Variants in TMEM117 observed in about 807,000 individuals in gnomAD.
TMEM117 encodes transmembrane protein 117.
In TMEM117, 27 loss-of-function variants were observed where a neutral mutation model predicts 52.4. The observed-to-expected ratio is 0.51, with a 90% confidence interval of 0.38 to 0.71. TMEM117 has a LOEUF of 0.71. TMEM117 is among the 30% of genes least tolerant of loss of function. The pLI is 0.00. For missense variants in TMEM117, 556 were observed against 630.5 expected, an observed-to-expected ratio of 0.88 and a Z score of 1.26; for synonymous variants, 215 against 206.3, an observed-to-expected ratio of 1.04 and a Z score of -0.36.
chr12:44,166,086 A>G (rs1296748069), intron 4 of TMEM117, among the ~76,000 whole-genome samples: 1 of 152,192 alleles, frequency 6.6e-6, no homozygotes, highest in African/African-American at 2.4e-5. Flanking sequence ...AAACTGTACA[A>G]ATACAAGGAA....
At chr12:44,392,104 G>A (rs1952164320), downstream of TMEM117, among the ~76,000 whole-genome samples, 1 of 152,190 alleles carries the variant, frequency 6.6e-6, no homozygotes, top group Non-Finnish European at 1.5e-5. Flanking sequence ...ATAGGTAACA[G>A]AGTCAAGCTC....
intron 2 of TMEM117, among the ~76,000 whole-genome samples, chr12:43,865,312 C>T (rs1351727107): frequency 1.3e-5 from 2 of 152,118 alleles, no homozygotes; most frequent in East Asian, 3.9e-4. Flanking sequence ...TACCTTCTAA[C>T]TTGGGCATTG....
chr12:44,116,929 C>T (rs964241893), intron 3 of TMEM117, among the ~76,000 whole-genome samples: 4 of 152,240 alleles, frequency 2.6e-5, no homozygotes, highest in East Asian at 3.9e-4. Flanking sequence ...TTTATCTCAT[C>T]GTAACCTTAT....
At chr12:44,377,980 T>C (rs1281070187) in intron 7 of TMEM117, among the ~76,000 whole-genome samples, 1 of 152,192 alleles carries the variant, frequency 6.6e-6, no homozygotes, top group Admixed American at 6.5e-5. Context: ...ATTCACTGGG[T>C]AAATCAATCA....
chr12:44,329,232 C>CA (rs1951235767), intron 6 of TMEM117, among the ~76,000 whole-genome samples: 1 of 152,096 alleles, frequency 6.6e-6, no homozygotes, highest in Non-Finnish European at 1.5e-5. Flanking sequence ...AATAGAGGCT[C>CA]AGCAGCAATA....
At chr12:44,050,199 C>T (rs748845584) in intron 3 of TMEM117, among the ~76,000 whole-genome samples, 1 of 152,198 alleles carries the variant, frequency 6.6e-6, no homozygotes, top group Non-Finnish European at 1.5e-5. Flanking sequence ...GTTTTTGAGA[C>T]GGAGTCTCAT....
chr12:43,962,005 A>G (rs951319156), intron 3 of TMEM117, among the ~76,000 whole-genome samples: 3 of 152,192 alleles, frequency 2.0e-5, no homozygotes, highest in Non-Finnish European at 4.4e-5. Context: ...GTTATTCTTG[A>G]GGAATTGATG....
chr12:43,979,802 G>A (rs181730139), intron 3 of TMEM117, among the ~76,000 whole-genome samples: 5 of 152,254 alleles, frequency 3.3e-5, no homozygotes, highest in Admixed American at 2.0e-4. Context: ...TCATGGGCTC[G>A]TAATTTCTCT....
intron 3 of TMEM117, among the ~76,000 whole-genome samples, chr12:43,961,822 A>G (rs1391751492): frequency 6.6e-6 from 1 of 152,168 alleles, no homozygotes; most frequent in Admixed American, 6.5e-5. Flanking sequence ...GTGAGTATGT[A>G]GGAAATAATT....
intron 3 of TMEM117, among the ~76,000 whole-genome samples, chr12:44,067,312 T>G (rs945089145): frequency 6.6e-6 from 1 of 152,216 alleles, no homozygotes; most frequent in Non-Finnish European, 1.5e-5. Flanking sequence ...CAAATGTTCT[T>G]AATGTCATCT....
At chr12:44,320,538 C>T (rs1951116422) in intron 6 of TMEM117, among the ~76,000 whole-genome samples, 1 of 152,162 alleles carries the variant, frequency 6.6e-6, no homozygotes, top group Admixed American at 6.5e-5. Flanking sequence ...CTCTCCTACC[C>T]CCACCTCTTG....
At chr12:44,039,865 G>C (rs1439455060) in intron 3 of TMEM117, among the ~76,000 whole-genome samples, 1 of 152,016 alleles carries the variant, frequency 6.6e-6, no homozygotes. Context: ...TGATAACAAA[G>C]AGTTTTATCT....
intron 5 of TMEM117, among the ~76,000 whole-genome samples, chr12:44,283,842 A>T (rs1271813229): frequency 6.6e-6 from 1 of 152,156 alleles, no homozygotes; most frequent in African/African-American, 2.4e-5. Context: ...CTTGAATTGT[A>T]GCTCCTAGAA....
intron 6 of TMEM117, among the ~76,000 whole-genome samples, chr12:44,370,310 G>T (rs1951845069): frequency 6.6e-6 from 1 of 151,966 alleles, no homozygotes; most frequent in South Asian, 2.1e-4. Flanking sequence ...ATGACAAATG[G>T]CTCAATCTTT....
intron 3 of TMEM117, among the ~76,000 whole-genome samples, chr12:44,000,264 T>TTCTCTTGGATAGG (rs1184506503): frequency 6.6e-6 from 1 of 152,156 alleles, no homozygotes; most frequent in Non-Finnish European, 1.5e-5. Flanking sequence ...CCCTCGAGGT[T>TTCTCTTGGATAGG]TCTCTTGGAT....
At chr12:44,032,120 TAA>T (rs1946642507) in intron 3 of TMEM117, among the ~76,000 whole-genome samples, 1 of 152,220 alleles carries the variant, frequency 6.6e-6, no homozygotes, top group Admixed American at 6.5e-5. Flanking sequence ...TGCTCAGCTT[TAA>T]AAAAGTCTTA....
intron 6 of TMEM117, among the ~76,000 whole-genome samples, chr12:44,303,083 GC>G (rs1950861529): frequency 6.6e-6 from 1 of 151,018 alleles, no homozygotes; most frequent in Admixed American, 6.6e-5. Flanking sequence ...CACTCTTGTT[GC>G]CCAGGCTGGA....
At chr12:44,265,433 A>C (rs1036021547) in intron 5 of TMEM117, among the ~76,000 whole-genome samples, 1 of 152,184 alleles carries the variant, frequency 6.6e-6, no homozygotes, top group East Asian at 1.9e-4. Flanking sequence ...TCTGTGGAGC[A>C]TGTATCATAG....
the TMEM117 span, chr12:43,798,636 AT>A: frequency 3.8e-4 from 550 of 1,428,996 alleles, no homozygotes; most frequent in East Asian, 0.011. Context: ...AAAAAAAAAA[AT>A]CACATAAAAA....
Sources: allele counts gnomAD v4.1 joint callset (sites outside exome capture counted in the v4.1 genomes callset), GRCh38; gene constraint gnomAD v4.1.1; transcripts MANE v1.5; gene names NCBI Gene and HGNC (gene_info 2026-07-23, HGNC 2026-07-21).